IQCK: variants seen among roughly 807,000 people sequenced by gnomAD.
The protein encoded by IQCK is IQ motif containing K.
IQCK carries 29 observed loss-of-function variants against 28.1 expected under a neutral mutation model. The ratio of observed to expected loss-of-function variants is 1.03; its 90% confidence interval spans 0.77 to 1.41. IQCK has a LOEUF of 1.41. Among genes scored for constraint, IQCK ranks in the 40% most tolerant of loss-of-function variants. IQCK has a pLI of 0.00. For synonymous variants in IQCK, 113 were observed against 115.1 expected (o/e 0.98, Z 0.12); for missense variants, 359 against 314.7 (o/e 1.14, Z -1.07).
At chr16:19,829,220 C>T (rs1187336001), downstream of IQCK, among the ~76,000 whole-genome samples, 1 of 151,800 alleles carries the variant, frequency 6.6e-6, no homozygotes, top group African/African-American at 2.4e-5. Context: ...GGTCGTCTAA[C>T]CTCCCCATCC....
At chr16:19,758,001 A>G (rs1052156293) in intron 4 of IQCK, among the ~76,000 whole-genome samples, 1 of 152,084 alleles carries the variant, frequency 6.6e-6, no homozygotes, top group Non-Finnish European at 1.5e-5. Flanking sequence ...TTTCCTTTTA[A>G]TTATAGATTA....
At chr16:19,848,250 G>A (rs1004873380) in intron 9 of IQCK, among the ~76,000 whole-genome samples, 1 of 152,072 alleles carries the variant, frequency 6.6e-6, no homozygotes, top group Non-Finnish European at 1.5e-5. Context: ...GACTAATGAC[G>A]TTGCACACCT....
At chr16:19,832,216 C>T (rs2056240842) in intron 9 of IQCK, among the ~76,000 whole-genome samples, 1 of 151,576 alleles carries the variant, frequency 6.6e-6, no homozygotes, top group Non-Finnish European at 1.5e-5. Context: ...CATCAGATTA[C>T]ATTACCTATG....
intron 4 of IQCK, among the ~76,000 whole-genome samples, chr16:19,748,072 C>CTTTTTTT (rs61573221): frequency 8.5e-6 from 1 of 117,212 alleles, no homozygotes; most frequent in African/African-American, 3.5e-5. Flanking sequence ...GGCTCAAATT[C>CTTTTTTT]TTTTTTTTTT....
intron 1 of IQCK, among the ~76,000 whole-genome samples, chr16:19,724,460 C>A (rs1389867670): frequency 1.3e-5 from 2 of 152,192 alleles, no homozygotes; most frequent in East Asian, 3.9e-4. Flanking sequence ...CTCCCAGCGT[C>A]ATCTTCCTGT....
At chr16:19,756,580 C>T (rs1248658175) in intron 4 of IQCK, among the ~76,000 whole-genome samples, 3 of 151,970 alleles carry the variant, frequency 2.0e-5, no homozygotes, top group Non-Finnish European at 4.4e-5. Context: ...GAGTGAGATT[C>T]GTGTCCTTAT....
At chr16:19,847,858 A>T (rs2056431336) in intron 9 of IQCK, among the ~76,000 whole-genome samples, 1 of 152,184 alleles carries the variant, frequency 6.6e-6, no homozygotes, top group Non-Finnish European at 1.5e-5. Context: ...GCTGGAGTGC[A>T]GTGGTGCAAT....
intron 6 of IQCK, among the ~76,000 whole-genome samples, chr16:19,783,080 C>G (rs1000621762): frequency 1.3e-5 from 2 of 151,332 alleles, no homozygotes; most frequent in African/African-American, 4.9e-5. Flanking sequence ...CTCACTGCAA[C>G]CTCTGCCTCC....
At chr16:19,812,174 A>ATGGAGTTTCACCATGTTGGCCAAGC (rs2055915950) in intron 7 of IQCK, among the ~76,000 whole-genome samples, 2 of 152,058 alleles carry the variant, frequency 1.3e-5, no homozygotes, top group Non-Finnish European at 2.9e-5. Context: ...TTTAGTAGAG[A>ATGGAGTTTCACCATGTTGGCCAAGC]TGGAGTTTCA....
At chr16:19,759,319 C>G (rs193124129) in intron 4 of IQCK, among the ~76,000 whole-genome samples, 1 of 152,278 alleles carries the variant, frequency 6.6e-6, no homozygotes, top group African/African-American at 2.4e-5. Context: ...AGCGATTCTC[C>G]TCTCTCAGCT....
intron 7 of IQCK, among the ~76,000 whole-genome samples, chr16:19,823,301 A>G (rs915456389): frequency 6.6e-6 from 1 of 152,096 alleles, no homozygotes; most frequent in Non-Finnish European, 1.5e-5. Context: ...CCCTTTAGAC[A>G]AGCCTGGCTC....
intron 3 of IQCK, 87 bp downstream of exon 3, chr16:19,733,914 C>G (rs746905770): frequency 7.9e-7 from 1 of 1,272,934 alleles, no homozygotes; most frequent in Non-Finnish European, 1.1e-6. Context: ...ACAGATGGAC[C>G]TCAGGGAGAC....
At chr16:19,746,618 C>G (rs541709352) in intron 4 of IQCK, among the ~76,000 whole-genome samples, 1 of 152,272 alleles carries the variant, frequency 6.6e-6, no homozygotes, top group Admixed American at 6.5e-5. Context: ...AACAAAAGAG[C>G]ATTGATCACT....
chr16:19,849,537 G>A (rs571573853), intron 9 of IQCK, among the ~76,000 whole-genome samples: 1 of 151,894 alleles, frequency 6.6e-6, no homozygotes, highest in East Asian at 1.9e-4. Flanking sequence ...CAAGACAGTA[G>A]GATCACTTAA....
At chr16:19,856,607 G>T in exon 10 of IQCK, 2 of 1,349,972 alleles carry the variant, frequency 1.5e-6, no homozygotes, top group Non-Finnish European at 2.1e-6. Flanking sequence ...CAAGGAAAAT[G>T]TCCAAATGAT....
Position 19,722,235 on chromosome 16 carries a change from G to A in IQCK, c.181+3748G>A, listed in dbSNP as rs1977518035. On this transcript the variant is annotated intron_variant, in intron 1 of 7. Coordinates refer to ENST00000564186, the Ensembl canonical transcript of IQCK. ...GCATAGGATGCGTTCACTGAGAAGA[G>A]TCAGGCAGTCAGGAGTGGGGAGGGA... Among the ~76,000 whole-genome samples the A allele has an allele frequency of 2.6e-5, 4 of 152,252 alleles. No individual in the cohort carries two copies. The South Asian group carries it at 8.3e-4, about 32-fold the overall frequency.
At chr16:19,836,231 T>C (rs1321458247) in intron 9 of IQCK, among the ~76,000 whole-genome samples, 2 of 152,210 alleles carry the variant, frequency 1.3e-5, no homozygotes, top group African/African-American at 4.8e-5. Flanking sequence ...ACTTAGTTCC[T>C]TCTCCATTTT....
At chr16:19,748,944 T>TC (rs1039864401) in intron 4 of IQCK, among the ~76,000 whole-genome samples, 9 of 152,198 alleles carry the variant, frequency 5.9e-5, no homozygotes, top group African/African-American at 1.9e-4. Flanking sequence ...TATTTCAGCC[T>TC]TCTCTTGAGA....
At chr16:19,718,463 A>G in exon 1 of IQCK, 1 of 1,607,446 alleles carries the variant, frequency 6.2e-7, no homozygotes, top group Non-Finnish European at 8.5e-7. Context: ...GTCAAGCAAG[A>G]ATCTGTGGGA....
Sources: gnomAD v4.1 joint callset for allele counts (sites outside exome capture counted in the v4.1 genomes callset) on GRCh38, gnomAD v4.1.1 for gene constraint, MANE v1.5 for transcripts, NCBI Gene and HGNC (gene_info 2026-07-23, HGNC 2026-07-21) for gene names.